The following FBXO28 variants were observed in gnomAD, a reference collection of about 807,000 sequenced individuals.
The protein encoded by FBXO28 is F-box protein 28.
FBXO28 carries 8 observed loss-of-function variants against 38.1 expected under a neutral mutation model. That is an observed-to-expected ratio of 0.21 (90% CI 0.12 to 0.38). FBXO28 has a LOEUF of 0.38. FBXO28 is among the 10% of genes least tolerant of loss of function. The pLI is 1.00. For synonymous variants in FBXO28, 168 were observed against 173.8 expected, an observed-to-expected ratio of 0.97 and a Z score of 0.26; for missense variants, 345 against 460.6, an observed-to-expected ratio of 0.75 and a Z score of 2.30.
chr1:224,115,976 C>T (rs1533591), intron 1 of FBXO28, among the ~76,000 whole-genome samples: 152,030 of 152,334 alleles, frequency 1, 75,865 homozygotes, highest in Middle Eastern at 1. Context: ...CATCCCACAA[C>T]TTATGAATAA....
chr1:224,148,955 T>C (rs186675701), intron 3 of FBXO28, among the ~76,000 whole-genome samples: 10 of 152,330 alleles, frequency 6.6e-5, no homozygotes, highest in Admixed American at 4.6e-4. Flanking sequence ...ATTGAACTTA[T>C]TACAGTCTGA....
rs141308831 is a variant in FBXO28, at chr1:224,158,079, G to A, written c.*333G>A. ...TACATACGTAAGGATCTTAAACCCA[G>A]TCTTGACAGACTAGAAGTTAAGTTT... On this transcript the variant is annotated 3_prime_UTR_variant, in exon 5 of 5. Transcript: ENST00000366862. 14 of 1,023,052 alleles carry A rather than the reference G, an allele frequency of 1.4e-5. No individual in the cohort carries two copies. In the African/African-American group the frequency reaches 2.0e-4, roughly 15 times the overall value. 63.4% of individuals were successfully genotyped at this position (1,023,052 alleles called of 1,614,324 possible). A position where few individuals can be genotyped will look rare whatever the true frequency, so the allele number is the denominator to read the frequency against.
chr1:224,126,379 A>G (rs1190325717), intron 1 of FBXO28, among the ~76,000 whole-genome samples: 1 of 152,228 alleles, frequency 6.6e-6, no homozygotes, highest in Non-Finnish European at 1.5e-5. Context: ...TTGTAAATAT[A>G]TTGCTGCTAA....
At chr1:224,123,522 C>A (rs1656828781) in intron 1 of FBXO28, among the ~76,000 whole-genome samples, 1 of 146,568 alleles carries the variant, frequency 6.8e-6, no homozygotes, top group South Asian at 2.2e-4. Context: ...TCATATTTAA[C>A]ATTTTTGAAA....
chr1:224,136,890 T>A (rs537652469), intron 3 of FBXO28, among the ~76,000 whole-genome samples: 3 of 151,460 alleles, frequency 2.0e-5, no homozygotes, highest in African/African-American at 7.3e-5. Context: ...TAGCTGAGAC[T>A]ACAGGTGCAC....
intron 3 of FBXO28, among the ~76,000 whole-genome samples, chr1:224,138,335 C>T (rs141809197): frequency 6.6e-6 from 1 of 151,938 alleles, no homozygotes; most frequent in South Asian, 2.1e-4. Context: ...GCCCTGTGAA[C>T]CTTGTGCTCG....
intron 1 of FBXO28, among the ~76,000 whole-genome samples, chr1:224,117,648 G>A (rs2102607124): frequency 6.6e-6 from 1 of 152,286 alleles, no homozygotes. Context: ...GCATTAGTAT[G>A]TCACCCAGGC....
chr1:224,133,518 C>CTTTAT (rs1572013199), intron 2 of FBXO28, among the ~76,000 whole-genome samples: 1 of 152,122 alleles, frequency 6.6e-6, no homozygotes, highest in East Asian at 1.9e-4. Context: ...AAAACCTTTA[C>CTTTAT]TTTTATTTTT....
intron 3 of FBXO28, among the ~76,000 whole-genome samples, chr1:224,145,980 T>A (rs1474452662): frequency 6.6e-6 from 1 of 150,858 alleles, no homozygotes; most frequent in Non-Finnish European, 1.5e-5. Context: ...GCAGGAGAAC[T>A]GCTTGTATCC....
intron 4 of FBXO28, 137 bp from the exon 5 acceptor site, chr1:224,157,215 A>G (rs1421693533): frequency 1.9e-6 from 2 of 1,071,262 alleles, no homozygotes; most frequent in Admixed American, 2.8e-5. Flanking sequence ...GATTAACCCA[A>G]CTGACCAAAT....
chr1:224,139,682 A>G (rs1657292411), intron 3 of FBXO28, among the ~76,000 whole-genome samples: 1 of 152,168 alleles, frequency 6.6e-6, no homozygotes, highest in Admixed American at 6.6e-5. Context: ...CGGAGGCTGC[A>G]GTGAGCCGAG....
At chr1:224,139,482 A>G (rs764218224) in intron 3 of FBXO28, among the ~76,000 whole-genome samples, 2 of 151,702 alleles carry the variant, frequency 1.3e-5, no homozygotes, top group Non-Finnish European at 2.9e-5. Flanking sequence ...AGTGGCTCAC[A>G]CCTGTAATCC....
intron 1 of FBXO28, among the ~76,000 whole-genome samples, chr1:224,122,374 G>C (rs1656799343): frequency 6.6e-6 from 1 of 152,086 alleles, no homozygotes; most frequent in South Asian, 2.1e-4. Flanking sequence ...TTGAAAGTAA[G>C]ATGAAAATAC....
intron 1 of FBXO28, among the ~76,000 whole-genome samples, chr1:224,125,759 A>G (rs1656889697): frequency 1.3e-5 from 2 of 149,592 alleles, no homozygotes; most frequent in African/African-American, 4.9e-5. Flanking sequence ...CTCCTGCTTT[A>G]GGTTCCCAAG....
intron 1 of FBXO28, among the ~76,000 whole-genome samples, chr1:224,114,674 G>T (rs968139723): frequency 1.3e-5 from 2 of 152,192 alleles, no homozygotes; most frequent in Admixed American, 1.3e-4. Context: ...CTCTACGGGA[G>T]GGGTAGCGGA....
At chr1:224,144,232 G>A (rs1333835289) in intron 3 of FBXO28, among the ~76,000 whole-genome samples, 3 of 150,814 alleles carry the variant, frequency 2.0e-5, no homozygotes, top group African/African-American at 7.3e-5. Context: ...GGGAGGCCAA[G>A]ATAGGAGGAT....
intron 1 of FBXO28, among the ~76,000 whole-genome samples, chr1:224,117,723 T>C (rs998620998): frequency 7.9e-5 from 12 of 152,126 alleles, no homozygotes; most frequent in African/African-American, 2.7e-4. Flanking sequence ...AGATCCTGGC[T>C]CACTTACAGT....
At chr1:224,143,467 G>T (rs138126701) in intron 3 of FBXO28, among the ~76,000 whole-genome samples, 1 of 152,244 alleles carries the variant, frequency 6.6e-6, no homozygotes, top group East Asian at 1.9e-4. Context: ...ACGACCTGGT[G>T]CCCTGAGCTG....
At chr1:224,119,395 C>G (rs1656721978) in intron 1 of FBXO28, among the ~76,000 whole-genome samples, 1 of 151,964 alleles carries the variant, frequency 6.6e-6, no homozygotes, top group African/African-American at 2.4e-5. Flanking sequence ...CTTCGGCCTA[C>G]CAAAGTGCTG....
Sources: gnomAD v4.1 joint callset for allele counts (sites outside exome capture counted in the v4.1 genomes callset) on GRCh38, gnomAD v4.1.1 for gene constraint, MANE v1.5 for transcripts, NCBI Gene and HGNC (gene_info 2026-07-23, HGNC 2026-07-21) for gene names.